The following SLC38A4 variants were observed in gnomAD, a reference collection of about 807,000 sequenced individuals.
The protein encoded by SLC38A4 is solute carrier family 38 member 4.
SLC38A4 carries 20 observed loss-of-function variants against 63.1 expected under a neutral mutation model. The ratio of observed to expected loss-of-function variants is 0.32; its 90% CI spans 0.22 to 0.46. The LOEUF (loss-of-function observed/expected upper bound fraction) is 0.46, where lower values mean the gene tolerates loss of function less well. Ranked by LOEUF, SLC38A4 falls within the 20% of genes least tolerant of loss-of-function variation. SLC38A4 has a pLI of 1.00. For missense variants in SLC38A4, 526 were observed against 663.6 expected, an observed-to-expected ratio of 0.79 and a Z score of 2.28; for synonymous variants, 230 against 225.5, an observed-to-expected ratio of 1.02 and a Z score of -0.18.
chr12:46,798,217 T>C (rs1344442887), intron 2 of SLC38A4, among the ~76,000 whole-genome samples: 1 of 152,146 alleles, frequency 6.6e-6, no homozygotes, highest in Non-Finnish European at 1.5e-5. Context: ...TTAAAACCCT[T>C]TAATGTCTTC....
At chr12:46,823,777 T>C (rs1210495822) in intron 1 of SLC38A4, among the ~76,000 whole-genome samples, 1 of 152,208 alleles carries the variant, frequency 6.6e-6, no homozygotes, top group African/African-American at 2.4e-5. Context: ...AATTCTTCAA[T>C]GGGTACGGGC....
rs189606034 is a variant in SLC38A4, at chr12:46,805,492, G to A, written c.-304-1698C>T. On this transcript the variant is annotated intron_variant, in intron 1 of 16. Transcript: ENST00000266579. ...GGCCAAAATTAGTGAAGAAATATAT[G>A]GTCTGCTCTCAACAAAACTCACGAT... 1.5e-3 allele frequency among the ~76,000 whole-genome samples: 226 copies of A among 152,004 alleles called. 5 individuals carry two copies. Among genetic ancestry groups the A allele is most frequent in the Non-Finnish European group, 3.8e-4 (26 of 67,924 alleles).
At chr12:46,809,948 A>G (rs1303079520) in intron 1 of SLC38A4, among the ~76,000 whole-genome samples, 1 of 152,056 alleles carries the variant, frequency 6.6e-6, no homozygotes, top group Admixed American at 6.5e-5. Context: ...TGAATGAATG[A>G]AAATCTTTAT....
At chr12:46,768,182 T>C (rs1183570493) in intron 16 of SLC38A4, 128 bp downstream of exon 16, 2 of 615,926 alleles carry the variant, frequency 3.2e-6, no homozygotes, top group South Asian at 2.1e-5. Context: ...TACCAGAAAG[T>C]TCTAGCCCAG....
At chr12:46,819,957 T>G (rs1939508652) in intron 1 of SLC38A4, among the ~76,000 whole-genome samples, 1 of 151,906 alleles carries the variant, frequency 6.6e-6, no homozygotes, top group African/African-American at 2.4e-5. Flanking sequence ...TCTGAAACAT[T>G]GAAAAGTTAA....
At position 46,766,397 on chromosome 12, in the gene SLC38A4, A is replaced by C. The variant is rs1938300384; in HGVS notation, c.*304T>G. On this transcript the variant is annotated 3_prime_UTR_variant, in exon 17 of 17. Coordinates refer to ENST00000266579, the MANE Select transcript of SLC38A4 (RefSeq NM_018018.5). ...GAAAGAGTACTATCTGATGATTGTT[A>C]CATGCAGTTACCCTTATTCTGCTCG... The C allele has an allele frequency of 4.0e-6, 2 of 499,578 alleles. No individual in the cohort carries two copies. The highest frequency in any genetic ancestry group is 3.1e-5 in the South Asian group (2 of 64,934). 30.9% of individuals were successfully genotyped at this position (499,578 alleles called of 1,614,324 possible). A position where few individuals can be genotyped will look rare whatever the true frequency, so the allele number is the denominator to read the frequency against.
chr12:46,801,781 T>A (rs1320242568), intron 2 of SLC38A4, among the ~76,000 whole-genome samples: 2 of 152,092 alleles, frequency 1.3e-5, no homozygotes, highest in Non-Finnish European at 1.5e-5. Context: ...AACAATGCCA[T>A]TCTTGTCATA....
At chr12:46,791,040 C>G (rs1349377085) in intron 3 of SLC38A4, among the ~76,000 whole-genome samples, 1 of 152,180 alleles carries the variant, frequency 6.6e-6, no homozygotes, top group Admixed American at 6.5e-5. Context: ...TCTTTCTACT[C>G]TGGCTTTTGA....
intron 3 of SLC38A4, among the ~76,000 whole-genome samples, chr12:46,790,672 C>T (rs1039396875): frequency 3.3e-5 from 5 of 151,896 alleles, no homozygotes; most frequent in Non-Finnish European, 5.9e-5. Context: ...AACAGATTTT[C>T]TTTCTTTGAG....
At chr12:46,797,863 T>G (rs1286450691) in intron 2 of SLC38A4, among the ~76,000 whole-genome samples, 1 of 152,164 alleles carries the variant, frequency 6.6e-6, no homozygotes, top group Admixed American at 6.6e-5. Context: ...TTCCAATGTT[T>G]CCATTCCAAA....
At chr12:46,787,673 C>A (rs1328929495) in intron 5 of SLC38A4, among the ~76,000 whole-genome samples, 6 of 152,104 alleles carry the variant, frequency 3.9e-5, no homozygotes, top group Non-Finnish European at 8.8e-5. Flanking sequence ...TTGCTAAACA[C>A]CAAATTATTT....
At chr12:46,825,313 TTATA>T (rs34878223) in intron 1 of SLC38A4, among the ~76,000 whole-genome samples, 1 of 140,436 alleles carries the variant, frequency 7.1e-6, no homozygotes, top group Non-Finnish European at 1.6e-5. Context: ...TATACAAAGT[TTATA>T]TATATATATA....
intron 1 of SLC38A4, among the ~76,000 whole-genome samples, chr12:46,818,898 G>A (rs568670894): frequency 6.6e-6 from 1 of 151,828 alleles, no homozygotes; most frequent in Non-Finnish European, 1.5e-5. Context: ...ACTTCAGACA[G>A]GCTGAGTTCT....
At chr12:46,814,141 G>A (rs1939391623) in intron 1 of SLC38A4, among the ~76,000 whole-genome samples, 1 of 151,924 alleles carries the variant, frequency 6.6e-6, no homozygotes, top group Admixed American at 6.6e-5. Flanking sequence ...TTTTATAAAA[G>A]TGAAATGACA....
Position 46,823,054 on chromosome 12 carries a change from T to G in SLC38A4, c.-305+2849A>C, listed in dbSNP as rs547057818. On this transcript the variant is annotated intron_variant, in intron 1 of 16. Transcript: ENST00000266579. ...TTACTTCCCTTCAAAGAAAAAGCTT[T>G]AAAAAATCAGAAAACAACCCTCCCA... Among the ~76,000 whole-genome samples the G allele has an allele frequency of 2.0e-5, 3 of 152,274 alleles. 1 individual carries two copies. The highest frequency in any genetic ancestry group is 4.4e-5 in the Non-Finnish European group (3 of 68,006).
intron 1 of SLC38A4, among the ~76,000 whole-genome samples, chr12:46,805,770 G>A (rs1317060118): frequency 6.6e-6 from 1 of 151,996 alleles, no homozygotes; most frequent in East Asian, 1.9e-4. Flanking sequence ...AAATACGTAA[G>A]TAGTGAATAA....
At chr12:46,791,410 T>C (rs569416244) in intron 3 of SLC38A4, among the ~76,000 whole-genome samples, 1 of 152,306 alleles carries the variant, frequency 6.6e-6, no homozygotes, top group Non-Finnish European at 1.5e-5. Context: ...GAAAATGCTA[T>C]AATTTACATC....
chr12:46,785,935 G>GA (rs577131647), intron 5 of SLC38A4, among the ~76,000 whole-genome samples: 23 of 151,082 alleles, frequency 1.5e-4, no homozygotes, highest in Non-Finnish European at 2.7e-4. Context: ...CTGGAATTCA[G>GA]AAAAAAAATC....
At chr12:46,830,298 T>TCA (rs10597523), upstream of SLC38A4, among the ~76,000 whole-genome samples, 9,234 of 148,270 alleles carry the variant, frequency 0.062, 333 homozygotes, top group East Asian at 0.15. Context: ...TCTCTCTCTC[T>TCA]CACACACACA....
Sources: allele counts gnomAD v4.1 joint callset (sites outside exome capture counted in the v4.1 genomes callset), GRCh38; gene constraint gnomAD v4.1.1; transcripts MANE v1.5; gene names NCBI Gene and HGNC (gene_info 2026-07-23, HGNC 2026-07-21).